The following PTPRD variants were observed in gnomAD, a reference collection of about 807,000 sequenced individuals.
PTPRD encodes the protein protein tyrosine phosphatase receptor type D.
A neutral mutation model predicts 214.5 loss-of-function variants in PTPRD; 34 were observed. The ratio of observed to expected loss-of-function variants is 0.16; its 90% confidence interval spans 0.12 to 0.21. PTPRD has a LOEUF of 0.21. Among genes scored for constraint, PTPRD ranks in the 10% least tolerant of loss-of-function variants. The probability of loss-of-function intolerance (pLI) is 1.00; values close to 1 mark genes in which losing one functional copy is unlikely to be tolerated. For missense variants in PTPRD, 2,545 were observed against 2,398.7 expected, an observed-to-expected ratio of 1.06 and a Z score of -1.27; for synonymous variants, 1,128 against 845.7, an observed-to-expected ratio of 1.33 and a Z score of -5.79.
At chr9:9,265,791 A>G (rs1352137237) in intron 9 of PTPRD, among the ~76,000 whole-genome samples, 2 of 151,390 alleles carry the variant, frequency 1.3e-5, no homozygotes, top group South Asian at 4.2e-4. Context: ...AACAACAACA[A>G]TAAAAAAAAA....
chr9:9,243,090 G>A (rs914756735), intron 9 of PTPRD, among the ~76,000 whole-genome samples: 2 of 152,088 alleles, frequency 1.3e-5, no homozygotes, highest in African/African-American at 4.8e-5. Flanking sequence ...GTCTGTTGGA[G>A]TTTCCTGGAG....
chr9:10,582,247 G>A (rs1028127041), intron 2 of PTPRD, among the ~76,000 whole-genome samples: 5 of 152,096 alleles, frequency 3.3e-5, no homozygotes, highest in Admixed American at 1.3e-4. Context: ...ATCAGTTTTT[G>A]ATCAATAAAG....
intron 11 of PTPRD, among the ~76,000 whole-genome samples, chr9:8,795,443 C>T (rs1271360659): frequency 6.6e-6 from 1 of 152,110 alleles, no homozygotes; most frequent in Non-Finnish European, 1.5e-5. Flanking sequence ...GGTGGGATTA[C>T]AGGTGTGAGC....
chr9:9,247,524 G>T (rs534398226), intron 9 of PTPRD, among the ~76,000 whole-genome samples: 2 of 152,056 alleles, frequency 1.3e-5, no homozygotes, highest in East Asian at 3.9e-4. Flanking sequence ...GATGAGAAAA[G>T]GTATCACACA....
At chr9:9,041,844 C>T (rs947752893) in intron 10 of PTPRD, among the ~76,000 whole-genome samples, 2 of 152,164 alleles carry the variant, frequency 1.3e-5, no homozygotes, top group Non-Finnish European at 2.9e-5. Context: ...ATCTCCTACT[C>T]AACTGTACTG....
rs2098554373 is a variant in PTPRD, at chr9:8,726,095, CA to C, written c.64+7684del. ...AGTGAAGAAATAAGTGAAGCTAAAG[CA>C]AACTGAAGAAAAAAGAATATACTAA... On this transcript the variant is annotated intron_variant, in intron 12 of 45. Coordinates refer to ENST00000381196, the MANE Select transcript of PTPRD (RefSeq NM_002839.4). Among the ~76,000 whole-genome samples the C allele has an allele frequency of 2.6e-5, 4 of 151,100 alleles. No individual in the cohort carries two copies. In the South Asian group the frequency reaches 8.3e-4, roughly 31 times the overall value.
chr9:9,619,639 A>G (rs10977882), intron 7 of PTPRD, among the ~76,000 whole-genome samples: 2,018 of 145,542 alleles, frequency 0.014, 123 homozygotes, highest in Admixed American at 0.11. Context: ...ATATGTTAAT[A>G]TTTATATTGT....
At chr9:9,071,789 G>T (rs1408936044) in intron 10 of PTPRD, among the ~76,000 whole-genome samples, 6 of 152,118 alleles carry the variant, frequency 3.9e-5, no homozygotes, top group South Asian at 2.1e-4. Flanking sequence ...CATAAAAACT[G>T]GGAGAAAACA....
chr9:10,532,809 A>G (rs2056754862), intron 2 of PTPRD, among the ~76,000 whole-genome samples: 1 of 151,720 alleles, frequency 6.6e-6, no homozygotes, highest in African/African-American at 2.4e-5. Flanking sequence ...CCAGACTAAA[A>G]TTCTCTTAGG....
intron 4 of PTPRD, among the ~76,000 whole-genome samples, chr9:9,949,028 A>T (rs1289716715): frequency 6.6e-6 from 1 of 152,104 alleles, no homozygotes. Context: ...ATAAAGGGTG[A>T]AGAATACGAG....
At chr9:9,190,433 T>A (rs1046067254) in intron 9 of PTPRD, among the ~76,000 whole-genome samples, 1 of 152,040 alleles carries the variant, frequency 6.6e-6, no homozygotes, top group African/African-American at 2.4e-5. Context: ...TCTGTTTTGC[T>A]TCTTCCGCAT....
At chr9:8,519,575 A>G (rs2097850943) in intron 20 of PTPRD, among the ~76,000 whole-genome samples, 3 of 152,190 alleles carry the variant, frequency 2.0e-5, no homozygotes, top group South Asian at 4.1e-4. Context: ...CAGCTTTTCA[A>G]GAGCAGCAAA....
At chr9:10,599,547 T>C (rs2077459470) in intron 2 of PTPRD, among the ~76,000 whole-genome samples, 2 of 151,730 alleles carry the variant, frequency 1.3e-5, no homozygotes, top group African/African-American at 4.8e-5. Flanking sequence ...GGTTAAGAAT[T>C]CTTAGACTGG....
chr9:8,760,524 A>C (rs955002162), intron 11 of PTPRD, among the ~76,000 whole-genome samples: 4 of 151,770 alleles, frequency 2.6e-5, no homozygotes, highest in Non-Finnish European at 5.9e-5. Flanking sequence ...AATTTTTTTG[A>C]ATGTCAGCAT....
intron 11 of PTPRD, among the ~76,000 whole-genome samples, chr9:8,774,571 G>C (rs904834265): frequency 3.4e-5 from 3 of 87,982 alleles, no homozygotes; most frequent in Non-Finnish European, 6.5e-5. Context: ...TTTTGCTCTT[G>C]TTGCCCAGGC....
intron 3 of PTPRD, among the ~76,000 whole-genome samples, chr9:10,163,325 C>T (rs1468473770): frequency 1.3e-5 from 2 of 151,420 alleles, no homozygotes; most frequent in South Asian, 2.1e-4. Context: ...AAATGTACCA[C>T]ATATAACTTA....
chr9:9,726,086 T>C (rs1036956292), intron 7 of PTPRD, among the ~76,000 whole-genome samples: 3 of 152,198 alleles, frequency 2.0e-5, no homozygotes, highest in African/African-American at 7.2e-5. Context: ...CTCATTGTTT[T>C]TTAAGGACAA....
intron 6 of PTPRD, among the ~76,000 whole-genome samples, chr9:9,756,477 T>C (rs1031455029): frequency 2.0e-5 from 3 of 152,102 alleles, no homozygotes; most frequent in Non-Finnish European, 4.4e-5. Context: ...GTAAAAGCCA[T>C]TTCTATCTAT....
chr9:9,241,858 T>A (rs565890657), intron 9 of PTPRD, among the ~76,000 whole-genome samples: 1 of 152,142 alleles, frequency 6.6e-6, no homozygotes, highest in South Asian at 2.1e-4. Context: ...AAGGGTAATA[T>A]TGTTATGTGT....
Sources: gnomAD v4.1 joint callset for allele counts (sites outside exome capture counted in the v4.1 genomes callset) on GRCh38, gnomAD v4.1.1 for gene constraint, MANE v1.5 for transcripts, NCBI Gene and HGNC (gene_info 2026-07-23, HGNC 2026-07-21) for gene names.